RBMS3: variants seen among roughly 807,000 people sequenced by gnomAD.
RBMS3 encodes RNA binding motif single stranded interacting protein 3, also known as RNA-binding motif, single-stranded-interacting protein 3.
A neutral mutation model predicts 66.8 loss-of-function variants in RBMS3; 27 were observed. That is an observed-to-expected ratio of 0.40 (90% CI 0.30 to 0.56). The LOEUF (loss-of-function observed/expected upper bound fraction) is 0.56, where lower values mean the gene tolerates loss of function less well. RBMS3 is among the 20% of genes least tolerant of loss of function. The pLI, the probability that RBMS3 is intolerant of heterozygous loss-of-function variation, is 0.40. For synonymous variants in RBMS3, 188 were observed against 183.0 expected (o/e 1.03, Z -0.22); for missense variants, 513 against 549.5 (o/e 0.93, Z 0.66).
chr3:29,697,442 A>G (rs2052331195), intron 4 of RBMS3, among the ~76,000 whole-genome samples: 1 of 152,158 alleles, frequency 6.6e-6, no homozygotes, highest in East Asian at 1.9e-4. Context: ...TTTTCTTTCC[A>G]TTGTTTAATC....
At chr3:30,003,287 T>C (rs6549963) in intron 14 of RBMS3, among the ~76,000 whole-genome samples, 45,499 of 151,866 alleles carry the variant, frequency 0.3, 8,182 homozygotes, top group Non-Finnish European at 0.42. Context: ...CTATTGTGTA[T>C]ATACCACTCT....
At chr3:29,337,303 G>A (rs763214979) in intron 1 of RBMS3, among the ~76,000 whole-genome samples, 74 of 151,802 alleles carry the variant, frequency 4.9e-4, no homozygotes, top group Admixed American at 3.9e-3. Context: ...TACCATATAG[G>A]TACTAAAATA....
In RBMS3 at chr3:29,975,124, G is replaced by A. The variant is rs867981177; in HGVS notation, c.1099-13019G>A. On this transcript the variant is annotated intron_variant, in intron 12 of 14. Transcript: ENST00000383767. ...TTTATATATTTTATATATAAAATAC[G>A]TTTATATATTTATATATTTTATATA... 1.7e-3 allele frequency among the ~76,000 whole-genome samples: 231 copies of A among 139,920 alleles called. 1 individual carries two copies. The highest frequency in any genetic ancestry group is 2.5e-3 in the Non-Finnish European group (162 of 65,354). 91.8% of individuals were successfully genotyped at this position (139,920 alleles called of 152,430 possible). A position where few individuals can be genotyped will look rare whatever the true frequency, so the allele number is the denominator to read the frequency against.
At position 29,528,808 on chromosome 3, in the gene RBMS3, A is replaced by G. The variant is rs575287072; in HGVS notation, c.307+40309A>G. On this transcript the variant is annotated intron_variant, in intron 3 of 14. Coordinates refer to ENST00000383767, the MANE Select transcript of RBMS3 (RefSeq NM_001003793.3). ...GAGTGCAATGGCGTGATCTCGGCTC[A>G]CTGTAACTTCTGCCTCCCAGGTTCA... Among the ~76,000 whole-genome samples, 13 of 152,244 alleles carry G rather than the reference A, an allele frequency of 8.5e-5. No individual in the cohort carries two copies. In the East Asian group the frequency reaches 2.5e-3, roughly 29 times the overall value.
At chr3:29,443,944 A>T (rs542043553) in intron 2 of RBMS3, among the ~76,000 whole-genome samples, 2 of 152,234 alleles carry the variant, frequency 1.3e-5, no homozygotes, top group Non-Finnish European at 2.9e-5. Flanking sequence ...TGGAGCGAAT[A>T]TGGAGCCATT....
chr3:29,362,539 A>C (rs2037662685), intron 1 of RBMS3, among the ~76,000 whole-genome samples: 1 of 151,872 alleles, frequency 6.6e-6, no homozygotes, highest in Admixed American at 6.6e-5. Flanking sequence ...CAGATCTCAC[A>C]CTCCGTGCTG....
At chr3:29,819,454 A>G (rs978851499) in intron 6 of RBMS3, among the ~76,000 whole-genome samples, 1 of 152,220 alleles carries the variant, frequency 6.6e-6, no homozygotes, top group Non-Finnish European at 1.5e-5. Context: ...CCAATTCTTC[A>G]TGTGTTGTAT....
chr3:29,622,436 A>G (rs1004378543), intron 4 of RBMS3, among the ~76,000 whole-genome samples: 1 of 152,216 alleles, frequency 6.6e-6, no homozygotes, highest in Non-Finnish European at 1.5e-5. Context: ...ATTAGTTTTT[A>G]TAATATGAAT....
chr3:29,281,501 T>TTTTTG lies in RBMS3; in HGVS notation c.-166_-162dup. 2 of 586,822 alleles carry TTTTTG rather than the reference T, an allele frequency of 3.4e-6. No individual in the cohort carries two copies. The highest frequency in any genetic ancestry group is 6.0e-6 in the Non-Finnish European group (2 of 333,892). The allele number at this position is 586,822 out of a possible 1,614,324, so 36.4% of individuals were successfully genotyped here. On this transcript the variant is annotated 5_prime_UTR_variant, in exon 1 of 15. Coordinates refer to ENST00000383767, the MANE Select transcript of RBMS3 (RefSeq NM_001003793.3). ...TTTTTTTTTTTCCTTTGGTGTGTGT[T>TTTTTG]TTTTGTTTTGTTTTGTTTTTTAAAA...
intron 1 of RBMS3, among the ~76,000 whole-genome samples, chr3:29,414,779 A>G (rs754195551): frequency 6.6e-6 from 1 of 152,204 alleles, no homozygotes; most frequent in Admixed American, 6.5e-5. Context: ...AAGGCAAAAT[A>G]TGAGAAAGAC....
At chr3:29,867,721 G>C (rs1415356334) in intron 6 of RBMS3, among the ~76,000 whole-genome samples, 1 of 151,330 alleles carries the variant, frequency 6.6e-6, no homozygotes, top group Non-Finnish European at 1.5e-5. Flanking sequence ...CCTAGAGTCA[G>C]AATGAGAGGG....
At chr3:29,820,742 T>C (rs997219740) in intron 6 of RBMS3, among the ~76,000 whole-genome samples, 3 of 152,140 alleles carry the variant, frequency 2.0e-5, no homozygotes, top group African/African-American at 7.2e-5. Flanking sequence ...TTAATGCACG[T>C]GGTGCTACAA....
At chr3:29,716,695 C>G (rs1006910602) in intron 4 of RBMS3, among the ~76,000 whole-genome samples, 1 of 151,954 alleles carries the variant, frequency 6.6e-6, no homozygotes, top group African/African-American at 2.4e-5. Flanking sequence ...TAGTTGTTTC[C>G]GGTTTTGCTC....
At chr3:29,519,328 G>T (rs965437961) in intron 3 of RBMS3, among the ~76,000 whole-genome samples, 1 of 152,122 alleles carries the variant, frequency 6.6e-6, no homozygotes, top group Admixed American at 6.6e-5. Context: ...ATTCAAGAAG[G>T]GTTAGAAAGG....
chr3:29,599,398 T>TA (rs925237506), intron 4 of RBMS3, among the ~76,000 whole-genome samples: 38 of 143,022 alleles, frequency 2.7e-4, no homozygotes, highest in East Asian at 8.1e-4. Flanking sequence ...ACATAAACTT[T>TA]AAAAAAAAAA....
chr3:29,543,030 G>A (rs1028424629), intron 3 of RBMS3, among the ~76,000 whole-genome samples: 3 of 152,138 alleles, frequency 2.0e-5, no homozygotes, highest in South Asian at 2.1e-4. Flanking sequence ...ACTGCATAGC[G>A]TCCCCTCTTT....
At chr3:29,371,276 G>C (rs1001580883) in intron 1 of RBMS3, among the ~76,000 whole-genome samples, 12 of 152,174 alleles carry the variant, frequency 7.9e-5, no homozygotes, top group Non-Finnish European at 1.8e-4. Context: ...GGAGAAGGCA[G>C]GTACAAGCCA....
At chr3:29,465,632 A>G (rs2042518640) in intron 2 of RBMS3, among the ~76,000 whole-genome samples, 1 of 151,410 alleles carries the variant, frequency 6.6e-6, no homozygotes. Context: ...TCTGGTATCT[A>G]TATACTGAAA....
chr3:29,479,090 T>C (rs1575949889), intron 2 of RBMS3, among the ~76,000 whole-genome samples: 3 of 152,148 alleles, frequency 2.0e-5, no homozygotes, highest in East Asian at 1.9e-4. Context: ...CCAAATGTAA[T>C]TGAATTTAAA....
Sources: gnomAD v4.1 joint callset for allele counts (sites outside exome capture counted in the v4.1 genomes callset) on GRCh38, gnomAD v4.1.1 for gene constraint, MANE v1.5 for transcripts, NCBI Gene and HGNC (gene_info 2026-07-23, HGNC 2026-07-21) for gene names.